ABTB3: variants seen among roughly 807,000 people sequenced by gnomAD.
ABTB3 encodes ankyrin repeat- and BTB/POZ domain-containing protein 3.
the ABTB3 span, among the ~76,000 whole-genome samples, chr12:107,467,406 G>A: frequency 3.3e-5 from 5 of 152,164 alleles, no homozygotes; most frequent in African/African-American, 9.7e-5. Context: ...CAAGCCTGGT[G>A]TGGCCTGGCG....
chr12:107,404,162 C>CA, the ABTB3 span, among the ~76,000 whole-genome samples: 10,758 of 39,632 alleles, frequency 0.27, 1,096 homozygotes, highest in Non-Finnish European at 0.34. Flanking sequence ...GACTCTAACT[C>CA]AAAAAAAAAA....
At chr12:107,499,356 G>A in the ABTB3 span, among the ~76,000 whole-genome samples, 1 of 136,934 alleles carries the variant, frequency 7.3e-6, no homozygotes, top group African/African-American at 3.1e-5. Flanking sequence ...CACACAAAGA[G>A]GGAAGCTGTG....
chr12:107,413,260 C>T, the ABTB3 span, among the ~76,000 whole-genome samples: 99 of 151,818 alleles, frequency 6.5e-4, 1 homozygote, highest in South Asian at 0.02. Context: ...GGCGACAGAG[C>T]GAGACTCCGT....
the ABTB3 span, among the ~76,000 whole-genome samples, chr12:107,441,199 T>C: frequency 9.2e-5 from 14 of 151,980 alleles, no homozygotes; most frequent in East Asian, 2.1e-3. Flanking sequence ...AGCAAAGACA[T>C]GGAATCAACC....
At chr12:107,579,041 C>A in the ABTB3 span, among the ~76,000 whole-genome samples, 1 of 152,142 alleles carries the variant, frequency 6.6e-6, no homozygotes, top group Non-Finnish European at 1.5e-5. Flanking sequence ...GCAGAGGCAG[C>A]GGGTAAGGCC....
At chr12:107,370,332 C>G in the ABTB3 span, among the ~76,000 whole-genome samples, 1 of 152,226 alleles carries the variant, frequency 6.6e-6, no homozygotes, top group Non-Finnish European at 1.5e-5. Flanking sequence ...CCAATGAGCA[C>G]ACTTCCATTG....
the ABTB3 span, among the ~76,000 whole-genome samples, chr12:107,619,227 G>A: frequency 3.3e-5 from 5 of 152,284 alleles, no homozygotes; most frequent in East Asian, 3.9e-4. Flanking sequence ...GATGAAGCTC[G>A]AGATTCCGAA....
chr12:107,657,749 A>C, the ABTB3 span: 2 of 1,606,446 alleles, frequency 1.2e-6, 1 homozygote, highest in Non-Finnish European at 1.7e-6. Flanking sequence ...CTTCCCGGGA[A>C]CTTTCCAGTT....
chr12:107,456,307 A>G, the ABTB3 span, among the ~76,000 whole-genome samples: 1 of 152,238 alleles, frequency 6.6e-6, no homozygotes, highest in Non-Finnish European at 1.5e-5. Flanking sequence ...ACTGGGCCGC[A>G]TAGCAGGAAG....
chr12:107,561,955 C>T, the ABTB3 span, among the ~76,000 whole-genome samples: 1 of 152,164 alleles, frequency 6.6e-6, no homozygotes, highest in African/African-American at 2.4e-5. Context: ...TTTAGATGCT[C>T]CTACTTCCTT....
At chr12:107,378,519 A>G in the ABTB3 span, among the ~76,000 whole-genome samples, 344 of 152,316 alleles carry the variant, frequency 2.3e-3, 4 homozygotes, top group African/African-American at 8.0e-3. Context: ...CCAAGGTCTT[A>G]TAGCAAGTAA....
the ABTB3 span, among the ~76,000 whole-genome samples, chr12:107,503,575 T>C: frequency 6.6e-6 from 1 of 151,536 alleles, no homozygotes; most frequent in Non-Finnish European, 1.5e-5. Context: ...CTGGACAACA[T>C]GATGAGACCC....
the ABTB3 span, among the ~76,000 whole-genome samples, chr12:107,647,363 G>A: frequency 2.1e-3 from 323 of 152,146 alleles, no homozygotes; most frequent in African/African-American, 7.2e-3. Flanking sequence ...ACATTAGCCA[G>A]GCACGGTGGT....
the ABTB3 span, among the ~76,000 whole-genome samples, chr12:107,565,080 G>A: frequency 6.6e-6 from 1 of 152,242 alleles, no homozygotes; most frequent in African/African-American, 2.4e-5. Flanking sequence ...TGAGCAAAGA[G>A]GAAGATATAG....
At chr12:107,492,847 C>T in the ABTB3 span, among the ~76,000 whole-genome samples, 1 of 152,218 alleles carries the variant, frequency 6.6e-6, no homozygotes, top group Admixed American at 6.5e-5. Flanking sequence ...GAGCTTTGTG[C>T]CCTTGAGCAG....
At chr12:107,333,130 C>T in the ABTB3 span, among the ~76,000 whole-genome samples, 1 of 152,250 alleles carries the variant, frequency 6.6e-6, no homozygotes. Flanking sequence ...TCCCTCATTC[C>T]TTATGGGATG....
At chr12:107,548,479 T>C in the ABTB3 span, among the ~76,000 whole-genome samples, 1 of 152,250 alleles carries the variant, frequency 6.6e-6, no homozygotes, top group South Asian at 2.1e-4. Flanking sequence ...TACCATTTCA[T>C]GTGGGCACAG....
At chr12:107,399,238 A>C in the ABTB3 span, among the ~76,000 whole-genome samples, 1 of 152,294 alleles carries the variant, frequency 6.6e-6, no homozygotes, top group East Asian at 1.9e-4. Context: ...AGCGGTACCC[A>C]CTGAGCACAT....
chr12:107,415,665 G>A, the ABTB3 span, among the ~76,000 whole-genome samples: 6 of 151,354 alleles, frequency 4.0e-5, no homozygotes, highest in African/African-American at 1.2e-4. Flanking sequence ...CCGAGATCAC[G>A]CCACTGCACT....
Sources: allele counts gnomAD v4.1 joint callset (sites outside exome capture counted in the v4.1 genomes callset), GRCh38; gene constraint gnomAD v4.1.1; transcripts MANE v1.5; gene names NCBI Gene and HGNC (gene_info 2026-07-23, HGNC 2026-07-21).